Variants in ARHGAP44 observed in about 807,000 individuals in gnomAD.
ARHGAP44 encodes the protein Rho GTPase activating protein 44, also known as rho GTPase-activating protein 44.
Under a neutral mutation model 106.8 loss-of-function variants are expected in ARHGAP44, and 43 were observed. The ratio of observed to expected loss-of-function variants is 0.40; its 90% CI spans 0.32 to 0.52. The LOEUF (loss-of-function observed/expected upper bound fraction) is 0.52, where lower values mean the gene tolerates loss of function less well. ARHGAP44 is among the 20% of genes least tolerant of loss of function. The pLI, the probability that ARHGAP44 is intolerant of heterozygous loss-of-function variation, is 0.48. For synonymous variants in ARHGAP44, 439 were observed against 410.3 expected, an observed-to-expected ratio of 1.07 and a Z score of -0.85; for missense variants, 866 against 1,050.5, an observed-to-expected ratio of 0.82 and a Z score of 2.43.
intron 19 of ARHGAP44, among the ~76,000 whole-genome samples, chr17:12,983,773 C>T (rs2039890049): frequency 6.6e-6 from 1 of 151,974 alleles, no homozygotes; most frequent in African/African-American, 2.4e-5. Flanking sequence ...CATTGCACTC[C>T]AGCCTGGGCG....
intron 1 of ARHGAP44, among the ~76,000 whole-genome samples, chr17:12,886,247 T>C (rs185125907): frequency 2.0e-5 from 3 of 152,328 alleles, no homozygotes; most frequent in Admixed American, 2.0e-4. Flanking sequence ...CTTAATTTTA[T>C]ACTAAATCTT....
At chr17:12,872,455 C>CA (rs11418658) in intron 1 of ARHGAP44, among the ~76,000 whole-genome samples, 138,908 of 152,226 alleles carry the variant, frequency 0.91, 63,521 homozygotes, top group African/African-American at 0.93. Context: ...GAAACTTTCT[C>CA]GAAAGATAGG....
chr17:12,952,672 C>A, intron 13 of ARHGAP44, 91 bp downstream of exon 13: 1 of 818,450 alleles, frequency 1.2e-6, no homozygotes, highest in South Asian at 1.6e-5. Context: ...ATGGTAACTA[C>A]CATGCATAGC....
chr17:12,902,267 T>C (rs1283189431), intron 3 of ARHGAP44, among the ~76,000 whole-genome samples: 1 of 152,126 alleles, frequency 6.6e-6, no homozygotes, highest in Non-Finnish European at 1.5e-5. Flanking sequence ...CTCACACTCC[T>C]CTTGGGCCAT....
At chr17:12,981,244 G>C (rs955216913) in intron 19 of ARHGAP44, among the ~76,000 whole-genome samples, 1 of 152,160 alleles carries the variant, frequency 6.6e-6, no homozygotes, top group Non-Finnish European at 1.5e-5. Flanking sequence ...ATGCTTTCTC[G>C]ACTCAGGAGT....
In ARHGAP44 at chr17:12,895,461, CA is replaced by C. The variant is rs1341011923; in HGVS notation, c.93+483del. 2.0e-5 allele frequency among the ~76,000 whole-genome samples: 3 copies of C among 152,132 alleles called. No individual in the cohort carries two copies. The East Asian group carries it at 5.8e-4, about 29-fold the overall frequency. ...TGACCAGTGATGATGAGCATTTTTT[CA>C]TGTGTCTGTTGGCTGCATAAATGTC... On this transcript the variant is annotated intron_variant, in intron 2 of 20. Transcript: ENST00000379672.
In ARHGAP44 at chr17:12,880,241, A is replaced by G. The variant is rs182315503; in HGVS notation, c.54-14699A>G. Among the ~76,000 whole-genome samples the G allele has an allele frequency of 6.6e-5, 10 of 152,288 alleles. No individual in the cohort carries two copies. In the East Asian group the frequency reaches 1.9e-3, roughly 29 times the overall value. Reference sequence around the variant, plus strand: ...CATATGCTCGTATATATATTATGAAACAATGTTAAGAAGAAAGCTATGAAC... The same window carrying G: ...CATATGCTCGTATATATATTATGAAGCAATGTTAAGAAGAAAGCTATGAAC... On this transcript the variant is annotated intron_variant, in intron 1 of 20. Transcript: ENST00000379672.
intron 1 of ARHGAP44, among the ~76,000 whole-genome samples, chr17:12,798,136 GT>G (rs1334775531): frequency 6.6e-6 from 1 of 151,908 alleles, no homozygotes; most frequent in African/African-American, 2.4e-5. Flanking sequence ...AGACAATTAG[GT>G]CTTCTGCAAA....
At chr17:12,964,953 C>T (rs921799971) in intron 16 of ARHGAP44, among the ~76,000 whole-genome samples, 1 of 152,172 alleles carries the variant, frequency 6.6e-6, no homozygotes, top group African/African-American at 2.4e-5. Flanking sequence ...CTGCCCACTC[C>T]CTACCTCTGT....
intron 4 of ARHGAP44, among the ~76,000 whole-genome samples, chr17:12,910,570 C>T (rs1051798086): frequency 1.0e-4 from 15 of 150,492 alleles, no homozygotes; most frequent in African/African-American, 2.7e-4. Flanking sequence ...CTCCACCTCC[C>T]GAGTAGCTGG....
intron 16 of ARHGAP44, among the ~76,000 whole-genome samples, chr17:12,965,411 A>C (rs1028904553): frequency 2.6e-5 from 4 of 152,196 alleles, no homozygotes; most frequent in Admixed American, 6.5e-5. Flanking sequence ...TGGGTGACCC[A>C]TTCTCAACCT....
At chr17:12,885,649 C>CTG (rs1393661101) in intron 1 of ARHGAP44, among the ~76,000 whole-genome samples, 3 of 152,092 alleles carry the variant, frequency 2.0e-5, no homozygotes, top group Non-Finnish European at 4.4e-5. Flanking sequence ...TGCTTATTTT[C>CTG]TGCTTATCTG....
chr17:12,809,133 C>A (rs2034364902), intron 1 of ARHGAP44, among the ~76,000 whole-genome samples: 1 of 152,298 alleles, frequency 6.6e-6, no homozygotes, highest in Admixed American at 6.5e-5. Flanking sequence ...TCATCTCCAT[C>A]TGAGATGAAC....
At chr17:12,861,653 T>TTTTTTTTTTTTTTTTTTTTTTTGAGAA (rs755400921) in intron 1 of ARHGAP44, among the ~76,000 whole-genome samples, 1 of 59,146 alleles carries the variant, frequency 1.7e-5, no homozygotes, top group African/African-American at 4.8e-5. Context: ...ACTTTTTTTT[T>TTTTTTTTTTTTTTTTTTTTTTTGAGAA]TTTTTGAGAT....
At chr17:12,892,007 C>T (rs1355254547) in intron 1 of ARHGAP44, among the ~76,000 whole-genome samples, 1 of 152,004 alleles carries the variant, frequency 6.6e-6, no homozygotes, top group Admixed American at 6.6e-5. Flanking sequence ...CCAGGCTGGT[C>T]TCGAACTTCT....
chr17:12,985,146 A>T, intron 20 of ARHGAP44: 1 of 493,890 alleles, frequency 2.0e-6, no homozygotes, highest in Admixed American at 3.8e-5. Context: ...TAAGCCCACC[A>T]GCCTGGGGTT....
At chr17:12,962,365 T>G (rs79477072) in intron 16 of ARHGAP44, among the ~76,000 whole-genome samples, 12,266 of 152,236 alleles carry the variant, frequency 0.081, 656 homozygotes, top group Admixed American at 0.12. Context: ...AGCTTACATA[T>G]ACATTTTTCA....
intron 6 of ARHGAP44, among the ~76,000 whole-genome samples, chr17:12,928,301 G>A (rs2038303281): frequency 1.3e-5 from 2 of 152,158 alleles, no homozygotes; most frequent in African/African-American, 4.8e-5. Context: ...AAGAAGGTGA[G>A]GATTTCCATA....
intron 6 of ARHGAP44, among the ~76,000 whole-genome samples, chr17:12,920,078 TG>T (rs1158735538): frequency 6.6e-6 from 1 of 151,896 alleles, no homozygotes; most frequent in Non-Finnish European, 1.5e-5. Flanking sequence ...TAGAAAGATA[TG>T]TCATATAAAA....
Sources: gnomAD v4.1 joint callset for allele counts (sites outside exome capture counted in the v4.1 genomes callset) on GRCh38, gnomAD v4.1.1 for gene constraint, MANE v1.5 for transcripts, NCBI Gene and HGNC (gene_info 2026-07-23, HGNC 2026-07-21) for gene names.